Variants in FAM81A observed in about 807,000 individuals in gnomAD.
The protein encoded by FAM81A is protein FAM81A.
A neutral mutation model predicts 46.7 loss-of-function variants in FAM81A; 19 were observed. The ratio of observed to expected loss-of-function variants is 0.41; its 90% CI spans 0.28 to 0.60. FAM81A has a LOEUF of 0.60. Among genes scored for constraint, FAM81A ranks in the 20% least tolerant of loss-of-function variants. The pLI is 0.34. For synonymous variants in FAM81A, 183 were observed against 152.9 expected, an observed-to-expected ratio of 1.20 and a Z score of -1.45; for missense variants, 377 against 453.5, an observed-to-expected ratio of 0.83 and a Z score of 1.53.
At chr15:59,413,417 A>AACACACACACACACACACACAC (rs535000983) in intron 2 of FAM81A, among the ~76,000 whole-genome samples, 5 of 134,418 alleles carry the variant, frequency 3.7e-5, no homozygotes, top group Admixed American at 3.1e-4. Context: ...GAGAGCATTA[A>AACACACACACACACACACACAC]ACACACACAC....
chr15:59,495,182 C>G (rs1157967477), intron 4 of FAM81A, among the ~76,000 whole-genome samples: 6 of 152,190 alleles, frequency 3.9e-5, no homozygotes, highest in African/African-American at 1.4e-4. Flanking sequence ...TGTTAGCTGT[C>G]ACTCCCCATT....
At chr15:59,462,356 T>G (rs1325001735) in intron 3 of FAM81A, among the ~76,000 whole-genome samples, 5 of 152,300 alleles carry the variant, frequency 3.3e-5, no homozygotes, top group African/African-American at 9.6e-5. Context: ...AATGGATGTG[T>G]AGTGGTATCT....
At chr15:59,485,003 A>G (rs1010815629) in intron 3 of FAM81A, among the ~76,000 whole-genome samples, 3 of 152,224 alleles carry the variant, frequency 2.0e-5, no homozygotes, top group African/African-American at 7.2e-5. Flanking sequence ...CCCTTTGGGC[A>G]TGTGGTAGAC....
At chr15:59,486,591 C>T (rs559742773) in intron 3 of FAM81A, among the ~76,000 whole-genome samples, 1 of 152,104 alleles carries the variant, frequency 6.6e-6, no homozygotes, top group Non-Finnish European at 1.5e-5. Flanking sequence ...TCAAAGAAGA[C>T]CACCTCATGG....
intron 3 of FAM81A, among the ~76,000 whole-genome samples, chr15:59,478,742 A>C (rs2081806596): frequency 9.1e-6 from 1 of 109,914 alleles, no homozygotes; most frequent in Non-Finnish European, 1.9e-5. Flanking sequence ...TCGAATATTT[A>C]TTCAGTTCTG....
Position 59,464,369 on chromosome 15 carries a change from T to C in FAM81A, c.294+4163T>C, listed in dbSNP as rs183555877. ...TTGCTGGATCATATGGTAGTTCTAT[T>C]TGTAGTTTTTTGAGGAACCTCCATA... On this transcript the variant is annotated intron_variant, in intron 3 of 8. Transcript: ENST00000288228. Among the ~76,000 whole-genome samples, 255 of 152,318 alleles carry C rather than the reference T, an allele frequency of 1.7e-3. 1 individual carries two copies. Among genetic ancestry groups the C allele is most frequent in the Non-Finnish European group, 2.8e-3 (193 of 68,016 alleles).
At chr15:59,509,024 C>G (rs1276843533) in intron 6 of FAM81A, 55 bp downstream of exon 6, 1 of 1,327,520 alleles carries the variant, frequency 7.5e-7, no homozygotes, top group African/African-American at 1.5e-5. Flanking sequence ...TGAGTTTATG[C>G]AATACTATGA....
intron 2 of FAM81A, chr15:59,407,872 G>C (rs2081103464): frequency 4.9e-6 from 1 of 203,722 alleles, no homozygotes; most frequent in Admixed American, 5.9e-5. Context: ...ATGTATTACA[G>C]TTGAGTAGCT....
intron 3 of FAM81A, among the ~76,000 whole-genome samples, chr15:59,465,795 A>G (rs748517370): frequency 6.6e-6 from 1 of 152,156 alleles, no homozygotes; most frequent in South Asian, 2.1e-4. Flanking sequence ...TGCTGCACCC[A>G]TCAACTCATC....
intron 1 of FAM81A, among the ~76,000 whole-genome samples, chr15:59,442,618 C>CTAAA (rs2081311167): frequency 1.3e-5 from 1 of 76,700 alleles, no homozygotes; most frequent in Non-Finnish European, 2.7e-5. Flanking sequence ...CTCCGTCTCT[C>CTAAA]AAAAAAAAAA....
In FAM81A at chr15:59,403,891, T is replaced by TC. The variant is rs527550006; in HGVS notation, c.-78+1533_-78+1534insC. On this transcript the variant is annotated intron_variant, in intron 2 of 4. Coordinates refer to the FAM81A transcript ENST00000558348. ...CCAAATTGTTTCTTTTCTTTTCTTTTTTTTTTTTTTGAGACAGAGTCTCAC... is the reference window on the plus strand; with the variant it reads ...CCAAATTGTTTCTTTTCTTTTCTTTTCTTTTTTTTTTGAGACAGAGTCTCAC... Among the ~76,000 whole-genome samples, 1,103 of 150,782 alleles carry TC rather than the reference T, an allele frequency of 7.3e-3. 19 individuals are homozygous for TC. Among genetic ancestry groups the TC allele is most frequent in the African/African-American group, 0.025 (1,039 of 41,092 alleles).
intron 2 of FAM81A, among the ~76,000 whole-genome samples, chr15:59,423,388 G>C (rs1300975745): frequency 6.6e-6 from 1 of 152,214 alleles, no homozygotes; most frequent in Non-Finnish European, 1.5e-5. Context: ...GTGAGCCATC[G>C]CGCCTGGTCT....
At chr15:59,462,785 C>A (rs1385052142) in intron 3 of FAM81A, among the ~76,000 whole-genome samples, 1 of 152,128 alleles carries the variant, frequency 6.6e-6, no homozygotes, top group East Asian at 1.9e-4. Context: ...TTGTGTCTGG[C>A]TTTTTTCACT....
chr15:59,449,571 G>T (rs1163219437), intron 1 of FAM81A, among the ~76,000 whole-genome samples: 2 of 152,058 alleles, frequency 1.3e-5, no homozygotes, highest in Non-Finnish European at 2.9e-5. Context: ...CACGAGGTCA[G>T]GAGATCGAGA....
At chr15:59,421,869 C>CTCTATCTATCTATCTA (rs59527837) in intron 2 of FAM81A, among the ~76,000 whole-genome samples, 6 of 146,974 alleles carry the variant, frequency 4.1e-5, no homozygotes, top group Admixed American at 2.8e-4. Context: ...ACCCTCAACC[C>CTCTATCTATCTATCTA]TCTATCTATC....
intron 1 of FAM81A, chr15:59,446,292 T>A (rs2081353787): frequency 6.6e-6 from 1 of 152,166 alleles, no homozygotes; most frequent in African/African-American, 2.4e-5. Context: ...ACCAATCTGT[T>A]TTTGCAAGGG....
chr15:59,414,403 A>G (rs767922091), intron 2 of FAM81A, among the ~76,000 whole-genome samples: 13 of 152,210 alleles, frequency 8.5e-5, no homozygotes, highest in Non-Finnish European at 1.5e-4. Context: ...TACTGTGTGC[A>G]TGGGGCATCA....
chr15:59,506,154 G>GTTTTGT (rs138897210), intron 4 of FAM81A, among the ~76,000 whole-genome samples: 4 of 151,870 alleles, frequency 2.6e-5, no homozygotes, highest in Non-Finnish European at 2.9e-5. Flanking sequence ...TTTTTTGTTT[G>GTTTTGT]TTTGTTTTGT....
intron 2 of FAM81A, among the ~76,000 whole-genome samples, chr15:59,431,398 C>A (rs2141564732): frequency 6.6e-6 from 1 of 152,214 alleles, no homozygotes; most frequent in Admixed American, 6.5e-5. Context: ...CCAAGCCCAG[C>A]TAATTTTTGT....
Sources: allele counts gnomAD v4.1 joint callset (sites outside exome capture counted in the v4.1 genomes callset), GRCh38; gene constraint gnomAD v4.1.1; transcripts MANE v1.5; gene names NCBI Gene and HGNC (gene_info 2026-07-23, HGNC 2026-07-21).